The following GGA2 variants were observed in gnomAD, a reference collection of about 807,000 sequenced individuals.
The protein encoded by GGA2 is golgi associated, gamma adaptin ear containing, ARF binding protein 2.
GGA2 carries 48 observed loss-of-function variants against 79.5 expected under a neutral mutation model. The ratio of observed to expected loss-of-function variants is 0.60; its 90% CI spans 0.48 to 0.77. The LOEUF is 0.77. Ranked by LOEUF, GGA2 falls within the 30% of genes least tolerant of loss-of-function variation. GGA2 has a pLI of 0.00. For missense variants in GGA2, 770 were observed against 774.0 expected (o/e 0.99, Z 0.06); for synonymous variants, 317 against 302.0 (o/e 1.05, Z -0.51).
chr16:23,487,009 G>A (rs951345495), intron 6 of GGA2, among the ~76,000 whole-genome samples: 19 of 145,460 alleles, frequency 1.3e-4, no homozygotes, highest in Non-Finnish European at 2.7e-4. Flanking sequence ...TTGAGACGGG[G>A]TCTTGCTCTG....
Position 23,482,972 on chromosome 16 carries a change from G to A in GGA2, c.831C>T (p.Pro277=). Residue 277 remains proline, a synonymous_variant, in exon 9 of 17, where the codon CCC becomes CCT. Coordinates refer to ENST00000309859, the MANE Select transcript of GGA2 (RefSeq NM_015044.4). Reference sequence around the variant, plus strand: ...TGTCACTCGCCAACCGGAACAGCGTGGGCCGCAGCTTTTCACACCTCTCAT... The same window carrying A: ...TGTCACTCGCCAACCGGAACAGCGTAGGCCGCAGCTTTTCACACCTCTCAT... ...VVYERCEKLR[P]TLFRLASDTT... The A allele has an allele frequency of 2.5e-6, 4 of 1,612,668 alleles. No individual in the cohort carries two copies. Among genetic ancestry groups the A allele is most frequent in the Non-Finnish European group, 3.4e-6 (4 of 1,178,710 alleles).
At chr16:23,501,422 GAGCT>G (rs1050544266) in intron 1 of GGA2, 2 of 437,022 alleles carry the variant, frequency 4.6e-6, no homozygotes, top group African/African-American at 2.0e-5. Context: ...GTGTTTTTTG[GAGCT>G]ACTTGAGTTT....
intron 1 of GGA2, among the ~76,000 whole-genome samples, chr16:23,504,506 T>C (rs1449720911): frequency 1.3e-5 from 2 of 152,238 alleles, no homozygotes; most frequent in South Asian, 2.1e-4. Flanking sequence ...CACGGAGAGA[T>C]GGCTATCTCA....
chr16:23,501,682 T>C (rs1464219033), intron 1 of GGA2: 6 of 174,492 alleles, frequency 3.4e-5, no homozygotes, highest in Non-Finnish European at 7.4e-5. Context: ...GAAATTAACA[T>C]TATAAGATCC....
intron 7 of GGA2, 25 bp from the exon 8 acceptor site, chr16:23,486,177 G>A: frequency 1.9e-6 from 3 of 1,611,788 alleles, no homozygotes; most frequent in Non-Finnish European, 2.5e-6. Context: ...AGGAGGATGG[G>A]AGTGAGGGAG....
upstream of GGA2, among the ~76,000 whole-genome samples, chr16:23,510,870 CGTGT>C (rs146414672): frequency 7.7e-6 from 1 of 129,468 alleles, no homozygotes; most frequent in Non-Finnish European, 1.6e-5. Flanking sequence ...CCACGCCTGG[CGTGT>C]GTGTGTGTGT....
In GGA2 at chr16:23,470,008, C is replaced by G; in HGVS notation, c.1608G>C (p.Val536=). ...ACAGATGACTCACCTTTGGCACAGC[C>G]ACTTGAAACATGATATCCCAGACAG... ...PQPVWDIMFQ[V]AVPKSMRVKL... The change falls in exon 15 of 17, where the codon GTG becomes GTC. Residue 536 remains valine (V), a synonymous_variant. Transcript: ENST00000309859. 1 of 1,553,568 alleles carries G rather than the reference C, an allele frequency of 6.4e-7. No homozygotes were observed. The highest frequency in any genetic ancestry group is 1.2e-5 in the South Asian group (1 of 80,972).
intron 14 of GGA2, among the ~76,000 whole-genome samples, chr16:23,472,836 C>T (rs935469726): frequency 1.3e-5 from 2 of 151,838 alleles, no homozygotes; most frequent in African/African-American, 4.8e-5. Flanking sequence ...AGATCGAGAC[C>T]ATCCTGGCTA....
At chr16:23,503,738 A>G (rs1030135728) in intron 1 of GGA2, among the ~76,000 whole-genome samples, 2 of 152,224 alleles carry the variant, frequency 1.3e-5, no homozygotes, top group African/African-American at 2.4e-5. Flanking sequence ...TATGGGGGGA[A>G]AAAAGATTTA....
At chr16:23,516,173 A>G (rs936437759) in intron 2 of GGA2, among the ~76,000 whole-genome samples, 3 of 148,582 alleles carry the variant, frequency 2.0e-5, no homozygotes, top group Non-Finnish European at 4.4e-5. Context: ...ATGCCCGGCC[A>G]ATTTTTTTTT....
chr16:23,515,917 G>A (rs566246301), intron 2 of GGA2, among the ~76,000 whole-genome samples: 73 of 151,868 alleles, frequency 4.8e-4, no homozygotes, highest in Non-Finnish European at 9.1e-4. Flanking sequence ...TAGGTCACTT[G>A]CAGCCTCCAA....
intron 14 of GGA2, among the ~76,000 whole-genome samples, chr16:23,472,674 C>G (rs1335054280): frequency 6.6e-6 from 1 of 151,284 alleles, no homozygotes; most frequent in Non-Finnish European, 1.5e-5. Flanking sequence ...CGCCACTGCA[C>G]TCCAGCCTGG....
intron 4 of GGA2, 47 bp from the exon 5 acceptor site, chr16:23,491,847 G>C (rs1346873559): frequency 1.5e-6 from 2 of 1,365,784 alleles, no homozygotes; most frequent in Admixed American, 3.5e-5. Context: ...AGGGACTTGG[G>C]AGACCGACAC....
chr16:23,494,345 C>T lies in GGA2; in HGVS notation c.210G>A (p.Lys70=). 1 of 1,613,378 alleles carries T rather than the reference C, an allele frequency of 6.2e-7. No individual in the cohort carries two copies. Among genetic ancestry groups the T allele is most frequent in the Non-Finnish European group, 8.5e-7 (1 of 1,179,232 alleles). ...CTTCCTTCTCTTGCGGAGACTGGAT[C>T]TTGTGGGCCAGTAGCCAGGGCGCAT... is the stretch of plus-strand genomic sequence containing the variant. The part of the protein sequence containing the change: ...PTHAPWLLAH[K]IQSPQEKEAL... Residue 70 remains lysine, a synonymous_variant, in exon 3 of 17, where the codon AAG becomes AAA. Transcript: ENST00000309859.
intron 10 of GGA2, chr16:23,480,131 ACT>A (rs1374379259): frequency 2.1e-6 from 1 of 478,990 alleles, no homozygotes; most frequent in Non-Finnish European, 3.8e-6. Flanking sequence ...AGATCCCATC[ACT>A]CTGGAGGAAA....
chr16:23,498,132 T>C (rs370195821), intron 1 of GGA2, among the ~76,000 whole-genome samples: 5 of 151,570 alleles, frequency 3.3e-5, no homozygotes, highest in African/African-American at 9.7e-5. Flanking sequence ...TACAAATAAT[T>C]AGCTGGGCGT....
chr16:23,467,560 C>T lies in GGA2; in HGVS notation c.*30G>A. 1 of 1,096,732 alleles carries T rather than the reference C, an allele frequency of 9.1e-7. No individual in the cohort carries two copies. The highest frequency in any genetic ancestry group is 1.4e-6 in the Non-Finnish European group (1 of 711,962). The allele number at this position is 1,096,732 out of a possible 1,614,324, so 67.9% of individuals were successfully genotyped here. ...ACAGCAAAAGTAACGCCAGCCTAAG[C>T]TTGAAATGAAGGGTCCATCTTGTGA... On this transcript the variant is annotated 3_prime_UTR_variant, in exon 17 of 17. Coordinates refer to ENST00000309859, the MANE Select transcript of GGA2 (RefSeq NM_015044.4).
Position 23,510,350 on chromosome 16 carries a change from CCCGGGGGACCCTGGG to C in GGA2, c.47_61del (p.Ala16_Pro20del). 7.0e-7 allele frequency: 1 copy of C among 1,436,522 alleles called. No individual in the cohort carries two copies. The highest frequency in any genetic ancestry group is 9.1e-7 in the Non-Finnish European group (1 of 1,095,446). 89.0% of individuals were successfully genotyped at this position (1,436,522 alleles called of 1,614,324 possible). On this transcript the variant is annotated inframe_deletion, in exon 1 of 17. Transcript: ENST00000309859. ...CCACAGCTCCAGCGACGCTGCCGGG[CCCGGGGGACCCTGGG>C]CCGACTCGGTTCCCGCCACAGCCGC...
At chr16:23,498,490 G>A (rs1964883088) in intron 1 of GGA2, among the ~76,000 whole-genome samples, 1 of 152,112 alleles carries the variant, frequency 6.6e-6, no homozygotes, top group South Asian at 2.1e-4. Flanking sequence ...GCACTTTGGA[G>A]GCCAAGGTAG....
Sources: allele counts gnomAD v4.1 joint callset (sites outside exome capture counted in the v4.1 genomes callset), GRCh38; gene constraint gnomAD v4.1.1; transcripts MANE v1.5; gene names NCBI Gene and HGNC (gene_info 2026-07-23, HGNC 2026-07-21).